RABEPK: variants seen among roughly 807,000 people sequenced by gnomAD.
RABEPK encodes 40 kDa Rab9 effector protein.
RABEPK carries 27 observed loss-of-function variants against 34.1 expected under a neutral mutation model. The observed-to-expected ratio is 0.79, with a 90% CI of 0.58 to 1.09. RABEPK has a LOEUF of 1.09. Among genes scored for constraint, RABEPK ranks in the 50% least tolerant of loss-of-function variants. The pLI, the probability that RABEPK is intolerant of heterozygous loss-of-function variation, is 0.00. For missense variants in RABEPK, 449 were observed against 462.6 expected, an observed-to-expected ratio of 0.97 and a Z score of 0.27; for synonymous variants, 172 against 169.2, an observed-to-expected ratio of 1.02 and a Z score of -0.13.
At chr9:125,227,778 T>G (rs1588405747) in intron 5 of RABEPK, 132 bp from the exon 6 acceptor site, 1 of 668,264 alleles carries the variant, frequency 1.5e-6, no homozygotes, top group East Asian at 3.4e-5. Flanking sequence ...GGAGTTGGAG[T>G]GAATGACCCC....
chr9:125,202,923 A>C (rs1351113396), intron 1 of RABEPK, 85 bp from the exon 2 acceptor site: 1 of 1,028,586 alleles, frequency 9.7e-7, no homozygotes, highest in Non-Finnish European at 1.5e-6. Context: ...TAGTACATTC[A>C]ACAGGAAAGG....
chr9:125,201,624 C>A (rs1015394449), intron 1 of RABEPK, among the ~76,000 whole-genome samples: 2 of 150,932 alleles, frequency 1.3e-5, no homozygotes, highest in African/African-American at 4.9e-5. Context: ...ATTTTTTTTT[C>A]TTTTTTTGAG....
chr9:125,212,458 A>T (rs1239742843), intron 3 of RABEPK, among the ~76,000 whole-genome samples: 2 of 152,052 alleles, frequency 1.3e-5, no homozygotes, highest in African/African-American at 2.4e-5. Flanking sequence ...TGACCTCATG[A>T]TCCGCCCACC....
intron 1 of RABEPK, among the ~76,000 whole-genome samples, chr9:125,202,745 G>A (rs768566583): frequency 6.6e-6 from 1 of 152,062 alleles, no homozygotes; most frequent in African/African-American, 2.4e-5. Flanking sequence ...GAGGAGAATC[G>A]TTTGAACCTG....
In RABEPK at chr9:125,220,428, C is replaced by T. The variant is rs748874832; in HGVS notation, c.365-111C>T. 1.6e-4 allele frequency: 245 copies of T among 1,497,252 alleles called. 1 individual carries two copies. In the African/African-American group the frequency reaches 3.1e-3, roughly 19 times the overall value. 92.7% of individuals were successfully genotyped at this position (1,497,252 alleles called of 1,614,324 possible). ...TATGAGATCCCTGCCCAAAACTATGCTGGCCCCCCTGGGGATTGGAGTTTG... is the reference window on the plus strand; with the variant it reads ...TATGAGATCCCTGCCCAAAACTATGTTGGCCCCCCTGGGGATTGGAGTTTG... On this transcript the variant is annotated intron_variant, in intron 4 of 7. Transcript: ENST00000373538.
intron 6 of RABEPK, among the ~76,000 whole-genome samples, chr9:125,231,356 A>G (rs1424162637): frequency 6.6e-6 from 1 of 152,298 alleles, no homozygotes; most frequent in Non-Finnish European, 1.5e-5. Context: ...GGTGGGAAGT[A>G]GGCGCTAAGG....
chr9:125,227,738 G>A (rs569905698), intron 5 of RABEPK, among the ~76,000 whole-genome samples, 172 bp from the exon 6 acceptor site: 58 of 152,146 alleles, frequency 3.8e-4, no homozygotes, highest in African/African-American at 1.2e-3. Flanking sequence ...CCTATAGGAT[G>A]TAAAAGGAGG....
chr9:125,220,326 G>A (rs1220321705), intron 4 of RABEPK: 11 of 1,443,162 alleles, frequency 7.6e-6, no homozygotes, highest in Admixed American at 2.9e-5. Context: ...TGTGCTTACA[G>A]CTTTTAAATC....
intron 5 of RABEPK, among the ~76,000 whole-genome samples, chr9:125,225,588 T>G (rs1336716834): frequency 6.6e-6 from 1 of 152,128 alleles, no homozygotes; most frequent in African/African-American, 2.4e-5. Context: ...TTTGGGAGGC[T>G]GAGACAGGTG....
chr9:125,216,948 CAG>C (rs1366409259), intron 4 of RABEPK, among the ~76,000 whole-genome samples: 1 of 143,756 alleles, frequency 7.0e-6, no homozygotes, highest in Non-Finnish European at 1.5e-5. Flanking sequence ...GCCTGGGTGA[CAG>C]AGTGAGACAC....
chr9:125,228,241 G>T (rs1474834943), intron 6 of RABEPK, among the ~76,000 whole-genome samples, 182 bp downstream of exon 6: 2 of 152,120 alleles, frequency 1.3e-5, no homozygotes, highest in African/African-American at 4.8e-5. Flanking sequence ...AGCTACAGGT[G>T]TGTGCCACCA....
At chr9:125,232,129 C>T (rs1832230245) in intron 6 of RABEPK, among the ~76,000 whole-genome samples, 1 of 151,716 alleles carries the variant, frequency 6.6e-6, no homozygotes, top group Non-Finnish European at 1.5e-5. Context: ...GAACTCCCGA[C>T]CTCAGGTGAT....
intron 3 of RABEPK, among the ~76,000 whole-genome samples, chr9:125,208,487 C>T (rs916488033): frequency 6.6e-5 from 10 of 152,112 alleles, no homozygotes; most frequent in Admixed American, 2.0e-4. Flanking sequence ...ATTCTCCTGC[C>T]TCAGCCTCCC....
chr9:125,233,681 A>G lies in RABEPK; in HGVS notation c.827-7A>G, dbSNP rs767600651. On this transcript the variant is annotated splice_region_variant and splice_polypyrimidine_tract_variant and intron_variant, in intron 7 of 7. Coordinates refer to ENST00000373538, the MANE Select transcript of RABEPK (RefSeq NM_005833.4). ...TTAACATGAAGCCTTTTCCCTCCCC[A>G]ACATAGAAGAGCAGCATTGGACCTT... 1 of 1,608,426 alleles carries G rather than the reference A, an allele frequency of 6.2e-7. No individual in the cohort carries two copies. Among genetic ancestry groups the G allele is most frequent in the Non-Finnish European group, 8.5e-7 (1 of 1,175,884 alleles).
intron 1 of RABEPK, among the ~76,000 whole-genome samples, chr9:125,201,598 C>T (rs374796617): frequency 6.6e-6 from 1 of 151,932 alleles, no homozygotes; most frequent in Non-Finnish European, 1.5e-5. Flanking sequence ...GACAACAAAG[C>T]GAAACCTCCA....
chr9:125,208,352 AC>A (rs780673870), intron 3 of RABEPK, among the ~76,000 whole-genome samples: 1 of 152,046 alleles, frequency 6.6e-6, no homozygotes. Context: ...ACTAAGCCCT[AC>A]ATATCTCTTT....
chr9:125,220,465 C>T lies in RABEPK; in HGVS notation c.365-74C>T, dbSNP rs543590399. The stretch of plus-strand genomic sequence containing the variant: ...GGGATTGGAGTTTGGAAACTGACTT[C>T]ACTCAGCCCCAGAGTCAAGGTCAGA... On this transcript the variant is annotated intron_variant, in intron 4 of 7. Transcript: ENST00000373538. 8 of 1,525,506 alleles carry T rather than the reference C, an allele frequency of 5.2e-6. No homozygotes were observed. The African/African-American group carries it at 8.4e-5, about 16-fold the overall frequency. The allele number at this position is 1,525,506 out of a possible 1,614,324, so 94.5% of individuals were successfully genotyped here.
chr9:125,226,671 C>G (rs1400523305), intron 5 of RABEPK, among the ~76,000 whole-genome samples: 1 of 149,710 alleles, frequency 6.7e-6, no homozygotes, highest in African/African-American at 2.5e-5. Flanking sequence ...CAAGACCAGT[C>G]TGGCCAACAT....
intron 6 of RABEPK, 22 bp downstream of exon 6, chr9:125,228,081 G>A (rs760367882): frequency 4.4e-5 from 62 of 1,420,946 alleles, no homozygotes; most frequent in Non-Finnish European, 5.2e-5. Context: ...ATGGGGGCTT[G>A]TCTGTTTAAA....
Sources: gnomAD v4.1 joint callset for allele counts (sites outside exome capture counted in the v4.1 genomes callset) on GRCh38, gnomAD v4.1.1 for gene constraint, MANE v1.5 for transcripts, NCBI Gene and HGNC (gene_info 2026-07-23, HGNC 2026-07-21) for gene names.